TRDN: variants seen among roughly 807,000 people sequenced by gnomAD.
TRDN encodes triadin in skeletal muscle.
Under a neutral mutation model 149.7 loss-of-function variants are expected in TRDN, and 161 were observed. That is an observed-to-expected ratio of 1.08 (90% confidence interval 0.95 to 1.23). TRDN has a LOEUF of 1.23. TRDN is among the 50% of genes most tolerant of loss of function. TRDN has a pLI of 0.00. For synonymous variants in TRDN, 294 were observed against 250.5 expected (o/e 1.17, Z -1.64); for missense variants, 896 against 823.5 (o/e 1.09, Z -1.08).
At chr6:123,407,031 G>A (rs1449559656) in intron 12 of TRDN, among the ~76,000 whole-genome samples, 1 of 152,014 alleles carries the variant, frequency 6.6e-6, no homozygotes, top group East Asian at 1.9e-4. Flanking sequence ...AAGCTTAGGT[G>A]GGGGTGGGGT....
intron 23 of TRDN, among the ~76,000 whole-genome samples, chr6:123,325,530 T>A (rs985284994): frequency 6.6e-6 from 1 of 152,110 alleles, no homozygotes; most frequent in African/African-American, 2.4e-5. Flanking sequence ...TGGAACATTT[T>A]AAAAATTTAG....
intron 38 of TRDN, among the ~76,000 whole-genome samples, chr6:123,235,684 C>T (rs1395614667): frequency 6.6e-6 from 1 of 151,996 alleles, no homozygotes; most frequent in African/African-American, 2.4e-5. Flanking sequence ...CCAAAATCAC[C>T]TCCAAAAAAT....
intron 38 of TRDN, among the ~76,000 whole-genome samples, chr6:123,229,542 T>C (rs1479542269): frequency 6.6e-6 from 1 of 151,998 alleles, no homozygotes; most frequent in African/African-American, 2.4e-5. Flanking sequence ...TTTTTACTTA[T>C]CTCCAATACT....
At chr6:123,237,535 A>G (rs1376764357) in intron 38 of TRDN, among the ~76,000 whole-genome samples, 4 of 152,202 alleles carry the variant, frequency 2.6e-5, no homozygotes, top group Non-Finnish European at 5.9e-5. Context: ...GGCGTGAGCC[A>G]CTGCGCCCTG....
chr6:123,590,756 C>T (rs1352588299), intron 1 of TRDN, among the ~76,000 whole-genome samples: 1 of 151,844 alleles, frequency 6.6e-6, no homozygotes, highest in African/African-American at 2.4e-5. Context: ...GAGTGAGACT[C>T]TGTCTCAAAA....
chr6:123,398,925 T>A (rs1346919), intron 12 of TRDN, among the ~76,000 whole-genome samples: 7 of 152,244 alleles, frequency 4.6e-5, no homozygotes, highest in Admixed American at 4.6e-4. Flanking sequence ...TTTACAATAG[T>A]TAACATAATT....
chr6:123,452,269 A>G (rs1235998968), intron 10 of TRDN, among the ~76,000 whole-genome samples: 1 of 152,154 alleles, frequency 6.6e-6, no homozygotes, highest in Non-Finnish European at 1.5e-5. Flanking sequence ...AGAGAAAGAA[A>G]TAAAGAGCAT....
intron 2 of TRDN, among the ~76,000 whole-genome samples, chr6:123,569,605 A>T (rs1782458174): frequency 6.6e-6 from 1 of 152,208 alleles, no homozygotes; most frequent in Admixed American, 6.5e-5. Context: ...TACAGGAATC[A>T]TGATGCTGGT....
chr6:123,532,229 A>G (rs1169740493), intron 4 of TRDN, among the ~76,000 whole-genome samples: 1 of 151,992 alleles, frequency 6.6e-6, no homozygotes, highest in Non-Finnish European at 1.5e-5. Context: ...CCTCATTAAT[A>G]ATTTTTATAT....
intron 38 of TRDN, among the ~76,000 whole-genome samples, chr6:123,227,756 T>C (rs1250539531): frequency 6.6e-6 from 1 of 151,752 alleles, no homozygotes; most frequent in Admixed American, 6.6e-5. Context: ...TTTGTTTTTG[T>C]TTGTTTTTTG....
chr6:123,259,611 A>C lies in TRDN; in HGVS notation c.1870+13T>G, dbSNP rs1776689476. The C allele has an allele frequency of 6.8e-7, 1 of 1,466,710 alleles. No individual in the cohort carries two copies. The highest frequency in any genetic ancestry group is 9.2e-7 in the Non-Finnish European group (1 of 1,081,250). The allele number at this position is 1,466,710 out of a possible 1,614,324, so 90.9% of individuals were successfully genotyped here. A position where few individuals can be genotyped will look rare whatever the true frequency, so the allele number is the denominator to read the frequency against. On this transcript the variant is annotated intron_variant, in intron 35 of 40. Coordinates refer to ENST00000334268, the MANE Select transcript of TRDN (RefSeq NM_006073.4). Reference sequence around the variant, plus strand: ...GCTAATTTGATGTATATGTCTTAAAATGTCATTTTTACCTTTACTTTCTTT... The same window carrying C: ...GCTAATTTGATGTATATGTCTTAAACTGTCATTTTTACCTTTACTTTCTTT...
chr6:123,282,292 T>G (rs1777611494), intron 24 of TRDN, among the ~76,000 whole-genome samples: 1 of 151,954 alleles, frequency 6.6e-6, no homozygotes, highest in South Asian at 2.1e-4. Context: ...TGTTAACAAT[T>G]CTAGCTCCAC....
intron 21 of TRDN, among the ~76,000 whole-genome samples, chr6:123,345,355 G>T (rs1780211010): frequency 6.6e-6 from 1 of 151,878 alleles, no homozygotes; most frequent in African/African-American, 2.4e-5. Context: ...CTTTGTCAAA[G>T]ATCAGCTGAT....
At chr6:123,270,609 G>C (rs1777174327) in intron 30 of TRDN, among the ~76,000 whole-genome samples, 1 of 151,830 alleles carries the variant, frequency 6.6e-6, no homozygotes, top group Non-Finnish European at 1.5e-5. Context: ...GCAAGAGTAT[G>C]TATCTTTTCT....
At chr6:123,558,289 G>T (rs916235441) in intron 2 of TRDN, among the ~76,000 whole-genome samples, 2 of 151,690 alleles carry the variant, frequency 1.3e-5, no homozygotes, top group African/African-American at 4.8e-5. Flanking sequence ...TCCTCCCCAG[G>T]CTGCTCATCG....
chr6:123,515,992 A>G (rs1037276858), intron 6 of TRDN, 149 bp downstream of exon 6: 2 of 897,332 alleles, frequency 2.2e-6, no homozygotes, highest in African/African-American at 1.7e-5. Flanking sequence ...CTCTCAATCC[A>G]GAAATTCCTT....
chr6:123,408,868 G>T (rs1773312194), intron 12 of TRDN, among the ~76,000 whole-genome samples: 1 of 152,050 alleles, frequency 6.6e-6, no homozygotes, highest in East Asian at 1.9e-4. Flanking sequence ...GGAACCCATA[G>T]AATACTAGTC....
chr6:123,423,026 T>C (rs1773975057), intron 12 of TRDN, among the ~76,000 whole-genome samples: 1 of 152,158 alleles, frequency 6.6e-6, no homozygotes, highest in African/African-American at 2.4e-5. Context: ...GCAAAGCAGA[T>C]AAATGTAACA....
chr6:123,630,146 A>T (rs1323906983), intron 1 of TRDN, among the ~76,000 whole-genome samples: 1 of 142,314 alleles, frequency 7.0e-6, no homozygotes, highest in East Asian at 2.0e-4. Flanking sequence ...TTGCCAGATG[A>T]AGATTTTTCC....
Sources: gnomAD v4.1 joint callset for allele counts (sites outside exome capture counted in the v4.1 genomes callset) on GRCh38, gnomAD v4.1.1 for gene constraint, MANE v1.5 for transcripts, NCBI Gene and HGNC (gene_info 2026-07-23, HGNC 2026-07-21) for gene names.